The following DPF2 variants were observed in gnomAD, a reference collection of about 807,000 sequenced individuals.
DPF2 encodes double PHD fingers 2, also known as zinc finger protein ubi-d4.
Under a neutral mutation model 59.6 loss-of-function variants are expected in DPF2, and 10 were observed. The observed-to-expected ratio is 0.17, with a 90% CI of 0.10 to 0.28. The LOEUF (loss-of-function observed/expected upper bound fraction) is 0.28. Among genes scored for constraint, DPF2 ranks in the 10% least tolerant of loss-of-function variants. The probability of loss-of-function intolerance (pLI) is 1.00; values close to 1 mark genes in which losing one functional copy is unlikely to be tolerated. For missense variants in DPF2, 315 were observed against 509.4 expected, an observed-to-expected ratio of 0.62 and a Z score of 3.67; for synonymous variants, 189 against 190.6, an observed-to-expected ratio of 0.99 and a Z score of 0.07.
chr11:65,344,890 A>G (rs1211682540), intron 6 of DPF2: 1 of 485,856 alleles, frequency 2.1e-6, no homozygotes, highest in Non-Finnish European at 3.6e-6. Flanking sequence ...GCCCATTACA[A>G]TCAGACCCTT....
rs991861266 is a variant in DPF2 at position 65,353,045 on chromosome 11, T to G, written c.*1286T>G. On this transcript the variant is annotated 3_prime_UTR_variant, in exon 11 of 11. Transcript: ENST00000528416. ...AAGAAGGCCATTTCATCCTAAGATT[T>G]CCATGATGGTGGTTTTTTTTTTTAA... 3.3e-5 allele frequency: 5 copies of G among 152,076 alleles called. No homozygotes were observed. The highest frequency in any genetic ancestry group is 2.9e-5 in the Non-Finnish European group (2 of 68,008). The allele number at this position is 152,076 out of a possible 1,614,324, so 9.4% of individuals were successfully genotyped here.
intron 1 of DPF2, among the ~76,000 whole-genome samples, chr11:65,337,194 G>A (rs1470460626): frequency 1.3e-5 from 2 of 151,924 alleles, no homozygotes; most frequent in Non-Finnish European, 2.9e-5. Context: ...GCTTACACCT[G>A]TAATCCCAGA....
At chr11:65,340,910 G>A (rs918559661) in intron 2 of DPF2, 56 bp from the exon 3 acceptor site, 2 of 1,528,594 alleles carry the variant, frequency 1.3e-6, no homozygotes, top group African/African-American at 1.4e-5. Context: ...AAAGTGTTTG[G>A]TATTACTTTC....
intron 10 of DPF2, among the ~76,000 whole-genome samples, chr11:65,349,288 G>A (rs937515269): frequency 1.3e-5 from 2 of 152,186 alleles, no homozygotes; most frequent in Non-Finnish European, 2.9e-5. Flanking sequence ...TGATAGATTT[G>A]AGCATTTATT....
In DPF2 at chr11:65,335,642, C is replaced by T. The variant is rs367800599; in HGVS notation, c.32+1724C>T. ...CCTCATTTCTAGCTGCACAGGGCCT[C>T]AGATCACAATTAATACGTACTCCCA... is the stretch of plus-strand genomic sequence containing the variant. On this transcript the variant is annotated intron_variant, in intron 1 of 10. Transcript: ENST00000528416. Among the ~76,000 whole-genome samples, 46 of 152,272 alleles carry T rather than the reference C, an allele frequency of 3.0e-4. No homozygotes were observed. The South Asian group carries it at 9.5e-3, about 32-fold the overall frequency.
intron 6 of DPF2, 156 bp downstream of exon 6, chr11:65,344,225 G>C (rs1329819292): frequency 1.5e-5 from 11 of 743,322 alleles, no homozygotes; most frequent in Non-Finnish European, 2.5e-5. Context: ...ACCCCTGGGA[G>C]GCCTGGGTCC....
Position 65,353,648 on chromosome 11 carries a change from A to G in DPF2, c.*1889A>G, listed in dbSNP as rs1326965073. Among the ~76,000 whole-genome samples, 1 of 152,196 alleles carries G rather than the reference A, an allele frequency of 6.6e-6. No homozygotes were observed. The highest frequency in any genetic ancestry group is 1.5e-5 in the Non-Finnish European group (1 of 68,036). On this transcript the variant is annotated 3_prime_UTR_variant, in exon 11 of 11. Coordinates refer to ENST00000528416, the MANE Select transcript of DPF2 (RefSeq NM_006268.5). ...CTTCAGTGTGTGTTTTAGAAGTCCA[A>G]CTGTTGTTTTTATGTTTTTAAAGGA...
At chr11:65,343,865 TTGGGACAGGG>T in intron 5 of DPF2, 28 bp downstream of exon 5, 1 of 1,583,518 alleles carries the variant, frequency 6.3e-7, no homozygotes, top group Non-Finnish European at 8.6e-7. Flanking sequence ...TGCCTGCATC[TTGGGACAGGG>T]TGGCCTAGGG....
At chr11:65,341,953 A>G (rs1784181961) in intron 4 of DPF2, 1 of 160,792 alleles carries the variant, frequency 6.2e-6, no homozygotes, top group African/African-American at 2.4e-5. Context: ...CTACAAAAAA[A>G]TAATAATTAA....
intron 3 of DPF2, 139 bp downstream of exon 3, chr11:65,341,212 C>A: frequency 8.0e-7 from 1 of 1,256,012 alleles, no homozygotes; most frequent in Non-Finnish European, 1.1e-6. Flanking sequence ...TTAAGGACCT[C>A]AGTCTAGAAG....
chr11:65,334,741 A>C (rs1449127690), intron 1 of DPF2, among the ~76,000 whole-genome samples: 3 of 152,238 alleles, frequency 2.0e-5, no homozygotes, highest in Non-Finnish European at 4.4e-5. Flanking sequence ...TTATTCCTAC[A>C]GAAGAATCAG....
intron 1 of DPF2, among the ~76,000 whole-genome samples, chr11:65,337,504 T>TAGAGAGAGAGAGAGAGAGAG (rs1188984367): frequency 9.3e-5 from 2 of 21,396 alleles, no homozygotes; most frequent in Non-Finnish European, 1.6e-4. Flanking sequence ...TATATATATA[T>TAGAGAGAGAGAGAGAGAGAG]AGAGAGAGAG....
intron 1 of DPF2, among the ~76,000 whole-genome samples, chr11:65,335,147 G>A (rs610864): frequency 0.98 from 148,158 of 150,592 alleles, 72,927 homozygotes; most frequent in East Asian, 1. Flanking sequence ...TCCTCCCAAC[G>A]CTATTGTCTT....
intron 1 of DPF2, among the ~76,000 whole-genome samples, chr11:65,334,741 A>G (rs1449127690): frequency 6.6e-6 from 1 of 152,238 alleles, no homozygotes; most frequent in African/African-American, 2.4e-5. Context: ...TTATTCCTAC[A>G]GAAGAATCAG....
chr11:65,335,739 T>C (rs1311239970), intron 1 of DPF2, among the ~76,000 whole-genome samples: 1 of 152,216 alleles, frequency 6.6e-6, no homozygotes, highest in African/African-American at 2.4e-5. Flanking sequence ...CTCTTGATTA[T>C]AGTGTGCCTA....
chr11:65,348,786 C>T (rs1590938988), intron 9 of DPF2, 64 bp from the exon 10 acceptor site: 3 of 1,540,684 alleles, frequency 1.9e-6, no homozygotes, highest in East Asian at 2.2e-5. Flanking sequence ...ATAGCAGTGT[C>T]CTGTAGTGGC....
At chr11:65,343,968 T>G in intron 5 of DPF2, 23 bp from the exon 6 acceptor site, 1 of 1,613,828 alleles carries the variant, frequency 6.2e-7, no homozygotes, top group Non-Finnish European at 8.5e-7. Context: ...AAAATAAGGG[T>G]GTCTCTTTGC....
intron 1 of DPF2, among the ~76,000 whole-genome samples, chr11:65,334,858 C>T (rs1330156734): frequency 6.6e-6 from 1 of 152,096 alleles, no homozygotes. Context: ...TCTAGCTGTC[C>T]AGTCAGGGTT....
chr11:65,338,181 A>C (rs1370985869), intron 1 of DPF2, among the ~76,000 whole-genome samples: 1 of 152,066 alleles, frequency 6.6e-6, no homozygotes, highest in Admixed American at 6.6e-5. Context: ...TCTTGGTCTC[A>C]AGAGATCCAC....
Sources: gnomAD v4.1 joint callset for allele counts (sites outside exome capture counted in the v4.1 genomes callset) on GRCh38, gnomAD v4.1.1 for gene constraint, MANE v1.5 for transcripts, NCBI Gene and HGNC (gene_info 2026-07-23, HGNC 2026-07-21) for gene names.